The following DHODH variants were observed in gnomAD, a reference collection of about 807,000 sequenced individuals.
The protein encoded by DHODH is dihydroorotate dehydrogenase (quinone), also known as dihydroorotate dehydrogenase (quinone), mitochondrial.
DHODH carries 30 observed loss-of-function variants against 39.7 expected under a neutral mutation model. That is an observed-to-expected ratio of 0.76 (90% CI 0.57 to 1.02). The LOEUF is 1.02. DHODH is among the 50% of genes least tolerant of loss of function. The pLI, the probability that DHODH is intolerant of heterozygous loss-of-function variation, is 0.00. For missense variants in DHODH, 531 were observed against 520.8 expected (o/e 1.02, Z -0.19); for synonymous variants, 222 against 213.8 (o/e 1.04, Z -0.34).
intron 1 of DHODH, chr16:72,009,098 GA>G: frequency 7.6e-7 from 1 of 1,318,768 alleles, no homozygotes; most frequent in Middle Eastern, 3.0e-4. Context: ...TTGTGTGCCG[GA>G]TCCAACGGGG....
At position 72,023,225 on chromosome 16, in the gene DHODH, G is replaced by A; in HGVS notation, c.880G>A (p.Gly294Ser). 6.2e-7 allele frequency: 1 copy of A among 1,614,230 alleles called. No individual in the cohort carries two copies. Among genetic ancestry groups the A allele is most frequent in the Non-Finnish European group, 8.5e-7 (1 of 1,180,046 alleles). ...CGTGAGTCGCCCTGCGGGCCTCCAG[G>A]GTGCCCTGCGCTCTGAAACAGGAGG... ...TTVSRPAGLQ[G>S]ALRSETGGLS... Residue 294 changes from glycine to serine, a missense_variant, in exon 7 of 9, where the codon GGT becomes AGT. Transcript: ENST00000219240.
intron 5 of DHODH, among the ~76,000 whole-genome samples, chr16:72,022,008 G>T (rs1391842635): frequency 6.6e-6 from 1 of 150,890 alleles, no homozygotes; most frequent in African/African-American, 2.4e-5. Context: ...TGGAAGGATC[G>T]CCTGAGCCCA....
At chr16:72,011,814 G>GCCCTCTCACTCTGCCCC in intron 1 of DHODH, among the ~76,000 whole-genome samples, 1 of 152,164 alleles carries the variant, frequency 6.6e-6, no homozygotes, top group South Asian at 2.1e-4. Flanking sequence ...GGACAGTACT[G>GCCCTCTCACTCTGCCCC]TCCCTCTTTA....
intron 6 of DHODH, 71 bp from the exon 7 acceptor site, chr16:72,023,094 G>A (rs890604173): frequency 1.6e-5 from 25 of 1,569,490 alleles, no homozygotes; most frequent in Admixed American, 3.4e-5. Context: ...TGCTGCCTTC[G>A]ACCTCCAGAG....
Position 72,024,126 on chromosome 16 carries a change from T to C in DHODH, c.1134-19T>C. The stretch of plus-strand genomic sequence containing the variant: ...TTCTCCACTGTTTGCTGAAATTGCT[T>C]TGTTTGCTCTTTTTCCAGAGAGCAG... On this transcript the variant is annotated intron_variant, in intron 8 of 8. Coordinates refer to ENST00000219240, the MANE Select transcript of DHODH (RefSeq NM_001361.5). 6.2e-7 allele frequency: 1 copy of C among 1,614,060 alleles called. No homozygotes were observed. The highest frequency in any genetic ancestry group is 8.5e-7 in the Non-Finnish European group (1 of 1,179,936).
At chr16:72,020,229 T>C (rs748127389) in intron 4 of DHODH, among the ~76,000 whole-genome samples, 5 of 150,600 alleles carry the variant, frequency 3.3e-5, no homozygotes, top group African/African-American at 9.8e-5. Context: ...TGAGCCAAGA[T>C]TGTGCCACCA....
At chr16:72,021,903 G>A (rs1344354617) in intron 5 of DHODH, among the ~76,000 whole-genome samples, 4 of 152,208 alleles carry the variant, frequency 2.6e-5, no homozygotes, top group African/African-American at 9.6e-5. Context: ...TGACCAGCCT[G>A]GGCAACTTGG....
At chr16:72,013,765 C>T (rs773588753) in intron 2 of DHODH, 2 of 153,412 alleles carry the variant, frequency 1.3e-5, no homozygotes, top group Non-Finnish European at 1.4e-5. Flanking sequence ...CTACCAGTCT[C>T]CTGAGGTGCT....
At chr16:72,013,460 C>T (rs1360086636) in intron 2 of DHODH, 1 of 152,238 alleles carries the variant, frequency 6.6e-6, no homozygotes, top group Admixed American at 6.5e-5. Flanking sequence ...GTCCTCAACA[C>T]CTCTGCGTGG....
Position 72,012,172 on chromosome 16 carries a change from G to C in DHODH, c.144G>C (p.Leu48=), listed in dbSNP as rs765741816. 3 of 1,614,056 alleles carry C rather than the reference G, an allele frequency of 1.9e-6. No homozygotes were observed. Among genetic ancestry groups the C allele is most frequent in the Non-Finnish European group, 1.7e-6 (2 of 1,180,038 alleles). Residue 48 remains leucine, a synonymous_variant, in exon 2 of 9, where the codon CTG becomes CTC. Transcript: ENST00000219240. ...ACCTGATGCCGACTCTGCAGGGGCT[G>C]CTGGACCCGGAGTCAGCCCACAGAC... is the stretch of plus-strand genomic sequence containing the variant. ...AEHLMPTLQG[L]LDPESAHRLA... is the part of the protein sequence containing the mutation.
intron 1 of DHODH, 33 bp downstream of exon 1, chr16:72,008,818 G>A: frequency 1.9e-6 from 3 of 1,552,426 alleles, no homozygotes; most frequent in Non-Finnish European, 2.6e-6. Context: ...GTGGATGGGG[G>A]ACCAGGGACC....
At position 72,021,188 on chromosome 16, in the gene DHODH, C is replaced by T. The variant is rs777478366; in HGVS notation, c.582C>T (p.Tyr194=). Residue 194 remains tyrosine (Y), a synonymous_variant, in exon 5 of 9, where the codon TAC becomes TAT. Transcript: ENST00000219240. ...NKTSVDAAED[Y]AEGVRVLGPL... ...CCTCAGTGGACGCCGCGGAGGACTA[C>T]GCAGAAGGGGTGCGCGTACTGGGCC... 142 of 1,610,304 alleles carry T rather than the reference C, an allele frequency of 8.8e-5. No individual in the cohort carries two copies. Among genetic ancestry groups the T allele is most frequent in the Non-Finnish European group, 1.1e-4 (133 of 1,178,516 alleles).
chr16:72,014,101 G>A (rs903986715), intron 2 of DHODH, among the ~76,000 whole-genome samples: 3 of 152,116 alleles, frequency 2.0e-5, no homozygotes, highest in Non-Finnish European at 2.9e-5. Context: ...TGACACCAGC[G>A]AGCTACTCCC....
chr16:72,023,778 G>C, intron 8 of DHODH, 145 bp downstream of exon 8: 2 of 1,220,338 alleles, frequency 1.6e-6, no homozygotes, highest in Non-Finnish European at 2.3e-6. Flanking sequence ...GAAATTCTGG[G>C]TTACTCTTTT....
chr16:72,011,953 C>A, intron 1 of DHODH, 97 bp from the exon 2 acceptor site: 2 of 949,284 alleles, frequency 2.1e-6, no homozygotes, highest in South Asian at 1.4e-5. Context: ...TTTCATGTGA[C>A]CTGCCGTTAT....
Position 72,023,593 on chromosome 16 carries a change from G to C in DHODH, c.1093G>C (p.Val365Leu). 2 of 1,614,100 alleles carry C rather than the reference G, an allele frequency of 1.2e-6. No individual in the cohort carries two copies. The highest frequency in any genetic ancestry group is 1.1e-5 in the South Asian group (1 of 91,084). Residue 365 changes from valine to leucine, a missense_variant, in exon 8 of 9, where the codon GTT becomes CTT. Val to Leu is a conservative substitution (Grantham distance 32, BLOSUM62 1). Coordinates refer to ENST00000219240, the MANE Select transcript of DHODH (RefSeq NM_001361.5). ...YTALTFWGPPVVGKVKRELEA... is the reference protein window; with the variant it reads ...YTALTFWGPPLVGKVKRELEA... ...GGCCCTCACCTTCTGGGGGCCACCC[G>C]TTGTGGGCAAAGTCAAGCGGGAACT...
At position 72,025,532 on chromosome 16, in the gene DHODH, A is replaced by G. The variant is rs1342901848; in HGVS notation, c.*1333A>G. ...CATCGCTAACTTCCGGCGTTTTCCT[A>G]TCACCATCGGTGCCTCCGTGAACAC... On this transcript the variant is annotated 3_prime_UTR_variant, in exon 9 of 9. Coordinates refer to ENST00000219240, the MANE Select transcript of DHODH (RefSeq NM_001361.5). 1 of 152,098 alleles carries G rather than the reference A, an allele frequency of 6.6e-6. No individual in the cohort carries two copies. Among genetic ancestry groups the G allele is most frequent in the Admixed American group, 6.6e-5 (1 of 15,262 alleles). 9.4% of individuals were successfully genotyped at this position (152,098 alleles called of 1,614,324 possible). A position where few individuals can be genotyped will look rare whatever the true frequency, so the allele number is the denominator to read the frequency against.
chr16:72,021,455 C>T (rs2041216802), intron 5 of DHODH, 144 bp downstream of exon 5: 1 of 807,398 alleles, frequency 1.2e-6, no homozygotes, highest in East Asian at 2.7e-5. Context: ...TATACCTTCC[C>T]AGAGTCCCCT....
intron 8 of DHODH, 30 bp downstream of exon 8, chr16:72,023,663 G>C (rs1245513208): frequency 6.2e-7 from 1 of 1,611,814 alleles, no homozygotes; most frequent in South Asian, 1.1e-5. Context: ...GCTTGAAACA[G>C]AAGTTAGGCA....
Sources: allele counts gnomAD v4.1 joint callset (sites outside exome capture counted in the v4.1 genomes callset), GRCh38; gene constraint gnomAD v4.1.1; transcripts MANE v1.5; gene names NCBI Gene and HGNC (gene_info 2026-07-23, HGNC 2026-07-21).